EYS: variants seen among roughly 807,000 people sequenced by gnomAD.
EYS encodes the protein EGF-like photoreceptor maintenance factor.
EYS carries 250 observed loss-of-function variants against 282.1 expected under a neutral mutation model. That is an observed-to-expected ratio of 0.89 (90% CI 0.80 to 0.98). The LOEUF is 0.98. Among genes scored for constraint, EYS ranks in the 50% least tolerant of loss-of-function variants. EYS has a pLI of 0.00. For missense variants in EYS, 4,016 were observed against 3,709.0 expected (o/e 1.08, Z -2.15); for synonymous variants, 1,355 against 1,282.9 (o/e 1.06, Z -1.20).
At chr6:64,495,565 T>G (rs1776866022) in intron 26 of EYS, among the ~76,000 whole-genome samples, 1 of 151,896 alleles carries the variant, frequency 6.6e-6, no homozygotes, top group Non-Finnish European at 1.5e-5. Flanking sequence ...ATTAGACGTG[T>G]GCTGTGCTTG....
intron 11 of EYS, among the ~76,000 whole-genome samples, chr6:65,319,746 G>C (rs1769418312): frequency 6.6e-6 from 1 of 152,124 alleles, no homozygotes; most frequent in East Asian, 1.9e-4. Flanking sequence ...GGGGAGGTGA[G>C]TGTAGGACTC....
At chr6:64,026,739 C>G (rs1769534444) in intron 33 of EYS, among the ~76,000 whole-genome samples, 2 of 152,150 alleles carry the variant, frequency 1.3e-5, no homozygotes, top group African/African-American at 4.8e-5. Flanking sequence ...CTCCTCTAAT[C>G]TCCCCTGCCC....
chr6:64,479,857 G>T (rs1776384354), intron 26 of EYS, among the ~76,000 whole-genome samples: 1 of 151,770 alleles, frequency 6.6e-6, no homozygotes, highest in South Asian at 2.1e-4. Context: ...TTCTTATATT[G>T]CACAAAGTGA....
chr6:65,624,862 T>C lies in EYS; in HGVS notation c.-333+14916A>G, dbSNP rs573436851. 9.7e-4 allele frequency among the ~76,000 whole-genome samples: 148 copies of C among 152,300 alleles called. 1 individual carries two copies. Among genetic ancestry groups the C allele is most frequent in the African/African-American group, 2.9e-3 (121 of 41,570 alleles). On this transcript the variant is annotated intron_variant, in intron 2 of 42. Coordinates refer to ENST00000503581, the MANE Select transcript of EYS (RefSeq NM_001142800.2). ...TGTTGGCTTCCCTACTTTTCAGATT[T>C]TGGGACTTGGACTGGCTTCCTTGCT...
intron 28 of EYS, among the ~76,000 whole-genome samples, chr6:64,391,838 G>A (rs7751921): frequency 0.76 from 115,389 of 152,078 alleles, 44,307 homozygotes; most frequent in African/African-American, 0.89. Context: ...GGCAAATTGG[G>A]TAAACAGTCA....
chr6:65,177,313 A>T (rs941607847), intron 12 of EYS, among the ~76,000 whole-genome samples: 2 of 151,872 alleles, frequency 1.3e-5, no homozygotes, highest in Middle Eastern at 3.2e-3. Context: ...ATTTGCGATT[A>T]TTCATCCATT....
chr6:63,833,306 A>G (rs1271245507), intron 36 of EYS, among the ~76,000 whole-genome samples: 2 of 152,192 alleles, frequency 1.3e-5, no homozygotes, highest in African/African-American at 4.8e-5. Context: ...ATGATTGTAT[A>G]TTTAGAAAAC....
intron 9 of EYS, among the ~76,000 whole-genome samples, chr6:65,351,361 T>A (rs1264725686): frequency 6.6e-6 from 1 of 151,914 alleles, no homozygotes; most frequent in South Asian, 2.1e-4. Flanking sequence ...TAAATATGCA[T>A]ACACTGTTTT....
At chr6:65,138,073 C>G (rs1041665227) in intron 12 of EYS, among the ~76,000 whole-genome samples, 2 of 151,978 alleles carry the variant, frequency 1.3e-5, no homozygotes, top group Admixed American at 6.6e-5. Flanking sequence ...CTGAGAAGGA[C>G]GTTTTTAAAA....
chr6:64,751,867 A>G (rs1035587534), intron 22 of EYS, among the ~76,000 whole-genome samples: 8 of 152,162 alleles, frequency 5.3e-5, no homozygotes, highest in African/African-American at 1.7e-4. Context: ...AAGCCACCAC[A>G]CAAGGCTATC....
chr6:65,512,980 A>T (rs1354358435), intron 2 of EYS, among the ~76,000 whole-genome samples: 1 of 152,206 alleles, frequency 6.6e-6, no homozygotes, highest in Non-Finnish European at 1.5e-5. Flanking sequence ...AAAACCCTTC[A>T]AAAAATTAAT....
chr6:65,631,475 G>GAAAA (rs5876981), intron 2 of EYS, among the ~76,000 whole-genome samples: 1 of 143,284 alleles, frequency 7.0e-6, no homozygotes, highest in African/African-American at 2.6e-5. Flanking sequence ...AACATGAATG[G>GAAAA]AAAAAAAAAA....
chr6:65,395,310 G>A (rs1278137541), intron 7 of EYS, among the ~76,000 whole-genome samples: 3 of 152,240 alleles, frequency 2.0e-5, no homozygotes, highest in African/African-American at 2.4e-5. Flanking sequence ...TGATCCTCCC[G>A]TCTCAGCCTC....
At chr6:65,616,828 G>A (rs550930255) in intron 2 of EYS, among the ~76,000 whole-genome samples, 4 of 151,190 alleles carry the variant, frequency 2.6e-5, no homozygotes, top group South Asian at 2.1e-4. Context: ...CTAATAAAAC[G>A]AAGAAAAAAT....
At position 64,943,356 on chromosome 6, in the gene EYS, C is replaced by A. The variant is rs573651254; in HGVS notation, c.2381+2437G>T. Among the ~76,000 whole-genome samples, 168 of 152,046 alleles carry A rather than the reference C, an allele frequency of 1.1e-3. 1 individual carries two copies. The highest frequency in any genetic ancestry group is 3.4e-3 in the Middle Eastern group (1 of 294). ...GGAAGTCCGAGCCAGAGCTATCAGGCAAGAGAAATAAATAAAAGGTATCCA... is the reference window on the plus strand; with the variant it reads ...GGAAGTCCGAGCCAGAGCTATCAGGAAAGAGAAATAAATAAAAGGTATCCA... On this transcript the variant is annotated intron_variant, in intron 15 of 42. Coordinates refer to ENST00000503581, the MANE Select transcript of EYS (RefSeq NM_001142800.2).
chr6:64,320,859 G>A (rs1284254488), intron 29 of EYS, among the ~76,000 whole-genome samples: 1 of 151,406 alleles, frequency 6.6e-6, no homozygotes, highest in Non-Finnish European at 1.5e-5. Context: ...CTCATTCATG[G>A]CCAGAAAACC....
chr6:64,842,614 A>G (rs1281390883), intron 19 of EYS, among the ~76,000 whole-genome samples: 1 of 152,086 alleles, frequency 6.6e-6, no homozygotes, highest in Non-Finnish European at 1.5e-5. Flanking sequence ...GTCCAGGCTG[A>G]GGTGGTCTCG....
intron 35 of EYS, among the ~76,000 whole-genome samples, chr6:63,937,378 T>C (rs1765097186): frequency 5.5e-5 from 4 of 72,828 alleles, no homozygotes; most frequent in African/African-American, 6.3e-5. Flanking sequence ...TTTTTTTTTT[T>C]TTTTTTTTTT....
intron 31 of EYS, among the ~76,000 whole-genome samples, chr6:64,135,739 T>C (rs1450608285): frequency 1.3e-5 from 2 of 152,114 alleles, no homozygotes; most frequent in Non-Finnish European, 2.9e-5. Flanking sequence ...AATATAATTA[T>C]ATCTAAAAAC....
Sources: gnomAD v4.1 joint callset for allele counts (sites outside exome capture counted in the v4.1 genomes callset) on GRCh38, gnomAD v4.1.1 for gene constraint, MANE v1.5 for transcripts, NCBI Gene and HGNC (gene_info 2026-07-23, HGNC 2026-07-21) for gene names.